CLEC16A: variants seen among roughly 807,000 people sequenced by gnomAD.
The protein encoded by CLEC16A is C-type lectin domain containing 16A, also known as protein CLEC16A.
CLEC16A carries 51 observed loss-of-function variants against 109.5 expected under a neutral mutation model. The ratio of observed to expected loss-of-function variants is 0.47; its 90% confidence interval spans 0.37 to 0.59. The LOEUF is 0.59. Among genes scored for constraint, CLEC16A ranks in the 20% least tolerant of loss-of-function variants. CLEC16A has a pLI of 0.00. For synonymous variants in CLEC16A, 673 were observed against 564.2 expected (o/e 1.19, Z -2.73); for missense variants, 1,339 against 1,394.0 (o/e 0.96, Z 0.63).
intron 19 of CLEC16A, among the ~76,000 whole-genome samples, chr16:11,065,392 A>G (rs2048706492): frequency 6.6e-6 from 1 of 152,248 alleles, no homozygotes; most frequent in African/African-American, 2.4e-5. Flanking sequence ...TGCTACATGT[A>G]TCTAACTTGT....
intron 1 of CLEC16A, among the ~76,000 whole-genome samples, chr16:10,955,991 A>G (rs888160853): frequency 6.6e-6 from 1 of 152,222 alleles, no homozygotes; most frequent in Non-Finnish European, 1.5e-5. Context: ...TGCCGTTTGA[A>G]ACTCTTGGGG....
intron 1 of CLEC16A, among the ~76,000 whole-genome samples, chr16:10,953,684 A>T (rs2041845115): frequency 6.6e-6 from 1 of 152,228 alleles, no homozygotes. Flanking sequence ...GCCTAATTTT[A>T]AAAATGGGCA....
At chr16:11,061,551 G>T (rs2048480075) in intron 19 of CLEC16A, among the ~76,000 whole-genome samples, 1 of 152,198 alleles carries the variant, frequency 6.6e-6, no homozygotes, top group African/African-American at 2.4e-5. Flanking sequence ...TGCAGCATGA[G>T]GCTCAGCTTT....
chr16:11,044,383 T>C (rs1305417263), intron 16 of CLEC16A, among the ~76,000 whole-genome samples: 1 of 152,216 alleles, frequency 6.6e-6, no homozygotes, highest in Non-Finnish European at 1.5e-5. Context: ...TATAAACACA[T>C]ATAAATAAAT....
At chr16:10,959,016 T>G (rs750247791) in intron 2 of CLEC16A, among the ~76,000 whole-genome samples, 2 of 86,278 alleles carry the variant, frequency 2.3e-5, no homozygotes, top group Non-Finnish European at 5.3e-5. Context: ...TAAACACGGG[T>G]GTGTGTGTGT....
chr16:10,971,611 TTAAG>T (rs2042791031), intron 5 of CLEC16A: 1 of 750,256 alleles, frequency 1.3e-6, no homozygotes, highest in Non-Finnish European at 1.6e-6. Context: ...AATTTGACTT[TTAAG>T]TAATATATAA....
intron 19 of CLEC16A, among the ~76,000 whole-genome samples, chr16:11,061,344 T>A (rs573555436): frequency 6.6e-6 from 1 of 152,292 alleles, no homozygotes; most frequent in Admixed American, 6.5e-5. Flanking sequence ...TGGCATCGGT[T>A]TGGTTGGTTT....
intron 11 of CLEC16A, among the ~76,000 whole-genome samples, chr16:11,006,291 A>G (rs1597010061): frequency 6.6e-6 from 1 of 152,188 alleles, no homozygotes; most frequent in African/African-American, 2.4e-5. Flanking sequence ...TGGCTCCCTC[A>G]GTAAAAAATG....
intron 3 of CLEC16A, among the ~76,000 whole-genome samples, chr16:10,966,487 G>A (rs567224778): frequency 2.3e-4 from 35 of 152,328 alleles, no homozygotes; most frequent in Admixed American, 2.0e-3. Flanking sequence ...TGCTTACACC[G>A]TGTGTATATG....
At chr16:11,157,715 C>CA (rs1304787774) in intron 22 of CLEC16A, among the ~76,000 whole-genome samples, 1 of 152,192 alleles carries the variant, frequency 6.6e-6, no homozygotes, top group Non-Finnish European at 1.5e-5. Context: ...TCACCTGGCC[C>CA]ATGTCGGTGT....
intron 7 of CLEC16A, among the ~76,000 whole-genome samples, chr16:10,973,394 G>A (rs1239838322): frequency 6.6e-6 from 1 of 152,148 alleles, no homozygotes. Context: ...ATAGTGTTTG[G>A]CGATAAAAAG....
chr16:11,131,967 G>A (rs28650929), intron 22 of CLEC16A, among the ~76,000 whole-genome samples: 6,346 of 152,260 alleles, frequency 0.042, 436 homozygotes, highest in African/African-American at 0.15. Context: ...TGCATGGCTG[G>A]TTCCTTCTCA....
intron 17 of CLEC16A, 95 bp from the exon 18 acceptor site, chr16:11,051,418 C>A (rs1033572564): frequency 3.0e-5 from 37 of 1,240,210 alleles, no homozygotes; most frequent in Non-Finnish European, 4.0e-5. Context: ...TTACTAAATG[C>A]GGTTGAAGGC....
rs2153032817 is a variant in CLEC16A at position 11,123,798 on chromosome 16, C to T, written c.2325C>T (p.His775=). 1 of 1,614,094 alleles carries T rather than the reference C, an allele frequency of 6.2e-7. No individual in the cohort carries two copies. ...DDSRALNITI[H]KPASSPHSKP... is the part of the protein sequence containing the mutation. ...GCCGTGCCCTGAACATCACCATCCA[C>T]AAGCCTGCGTCCAGCCCCCATTCCA... The change falls in exon 21 of 24, where the codon CAC becomes CAT. Residue 775 remains histidine (H), a synonymous_variant. Transcript: ENST00000409790.
intron 22 of CLEC16A, among the ~76,000 whole-genome samples, chr16:11,159,054 A>G (rs558068829): frequency 2.0e-5 from 3 of 152,346 alleles, no homozygotes; most frequent in East Asian, 1.9e-4. Flanking sequence ...GAAGCTGTCA[A>G]CATTTTCAAA....
chr16:11,030,675 C>T lies in CLEC16A; in HGVS notation c.1537+5754C>T, dbSNP rs139344523. ...TTTTGTTTCTTTTAAGACGGAGTCT[C>T]ACTCTGTTGCCCAGGCCAGAATGCA... On this transcript the variant is annotated intron_variant, in intron 13 of 23. Transcript: ENST00000409790. Among the ~76,000 whole-genome samples the T allele has an allele frequency of 3.1e-4, 47 of 152,328 alleles. 1 individual carries two copies. The East Asian group carries it at 7.1e-3, about 23-fold the overall frequency.
intron 19 of CLEC16A, among the ~76,000 whole-genome samples, chr16:11,120,171 A>G (rs2052300683): frequency 6.6e-6 from 1 of 152,130 alleles, no homozygotes; most frequent in Non-Finnish European, 1.5e-5. Flanking sequence ...GGATTTCACC[A>G]TGTTGGCCAG....
intron 22 of CLEC16A, among the ~76,000 whole-genome samples, chr16:11,138,995 G>T (rs1224633088): frequency 6.6e-6 from 1 of 152,128 alleles, no homozygotes. Context: ...TTGACTGAGG[G>T]AGTGGGAAGC....
intron 19 of CLEC16A, among the ~76,000 whole-genome samples, chr16:11,109,826 A>G (rs2051463457): frequency 1.3e-5 from 2 of 152,186 alleles, no homozygotes; most frequent in Admixed American, 6.5e-5. Context: ...CACGTGCTTG[A>G]AAGATTTGCT....
Sources: gnomAD v4.1 joint callset for allele counts (sites outside exome capture counted in the v4.1 genomes callset) on GRCh38, gnomAD v4.1.1 for gene constraint, MANE v1.5 for transcripts, NCBI Gene and HGNC (gene_info 2026-07-23, HGNC 2026-07-21) for gene names.